HGH1: variants seen among roughly 807,000 people sequenced by gnomAD.
HGH1 encodes the protein HGH1 cochaperone, also known as co-chaperone protein HGH1 homolog.
HGH1 carries 31 observed loss-of-function variants against 31.7 expected under a neutral mutation model. That is an observed-to-expected ratio of 0.98 (90% CI 0.73 to 1.32). The LOEUF is 1.32. Among genes scored for constraint, HGH1 ranks in the 40% most tolerant of loss-of-function variants. The pLI, the probability that HGH1 is intolerant of heterozygous loss-of-function variation, is 0.00. For missense variants in HGH1, 618 were observed against 594.4 expected, an observed-to-expected ratio of 1.04 and a Z score of -0.41; for synonymous variants, 284 against 293.6, an observed-to-expected ratio of 0.97 and a Z score of 0.34.
chr8:144,139,341 G>GA, intron 5 of HGH1, 30 bp downstream of exon 5: 11 of 1,613,928 alleles, frequency 6.8e-6, no homozygotes, highest in Non-Finnish European at 9.3e-6. Flanking sequence ...GGCTGGGGAA[G>GA]GGGTGTCTGT....
chr8:144,139,071 C>T lies in HGH1; in HGVS notation c.856C>T (p.Arg286Cys), dbSNP rs994943225. 13 of 1,614,012 alleles carry T rather than the reference C, an allele frequency of 8.1e-6. No homozygotes were observed. Among genetic ancestry groups the T allele is most frequent in the African/African-American group, 1.3e-5 (1 of 75,058 alleles). Residue 286 changes from arginine (R) to cysteine (C), a missense_variant, in exon 4 of 6, where the codon CGC (arginine) becomes TGC (cysteine). Arg to Cys is a radical substitution (Grantham distance 180). Transcript: ENST00000347708. Reference sequence around the variant, plus strand: ...GCAGCGAGAACCTGATGCAGACATCCGCAAGATGCTTGTTGAAGCCATCAT... The same window carrying T: ...GCAGCGAGAACCTGATGCAGACATCTGCAAGATGCTTGTTGAAGCCATCAT... ...DKQREPDADIRKMLVEAIMLL... is the reference protein window; with the variant it reads ...DKQREPDADICKMLVEAIMLL...
Position 144,137,801 on chromosome 8 carries a change from G to T in HGH1, c.-35G>T, listed in dbSNP as rs1400285089. On this transcript the variant is annotated 5_prime_UTR_variant, in exon 1 of 6. Transcript: ENST00000347708. ...ACAGCGGACCCCTAAGCGGACCGCT[G>T]GCACCGGTCGGGTGGCAGCAGAGTG... 8.1e-7 allele frequency: 1 copy of T among 1,237,222 alleles called. No individual in the cohort carries two copies. Among genetic ancestry groups the T allele is most frequent in the Non-Finnish European group, 1.0e-6 (1 of 989,020 alleles). The allele number at this position is 1,237,222 out of a possible 1,614,324, so 76.6% of individuals were successfully genotyped here. A position where few individuals can be genotyped will look rare whatever the true frequency, so the allele number is the denominator to read the frequency against.
At position 144,140,090 on chromosome 8, in the gene HGH1, C is replaced by T. The variant is rs1443304255; in HGVS notation, c.*538C>T. ...TGGGGTCTTTCTAGGACTGTGCCTC[C>T]CTGCTTGACCTATGCTCCAGGACCC... On this transcript the variant is annotated 3_prime_UTR_variant, in exon 6 of 6. Coordinates refer to ENST00000347708, the MANE Select transcript of HGH1 (RefSeq NM_016458.4). The T allele has an allele frequency of 1.6e-5, 3 of 183,226 alleles. No homozygotes were observed. Among genetic ancestry groups the T allele is most frequent in the African/African-American group, 7.2e-5 (3 of 41,948 alleles). The allele number at this position is 183,226 out of a possible 1,614,324, so 11.4% of individuals were successfully genotyped here.
chr8:144,138,203 A>T lies in HGH1; in HGVS notation c.368A>T (p.Glu123Val). Residue 123 changes from glutamate (E) to valine (V), a missense_variant, in exon 1 of 6, where the codon GAG becomes GTG. Transcript: ENST00000347708. ...ALDPQWPWAEEAAAALANLSR... is the reference protein window; with the variant it reads ...ALDPQWPWAEVAAAALANLSR... ...GACCCGCAGTGGCCCTGGGCCGAGG[A>T]GGCGGCCGCCGCGCTAGCCAACCTC... 1 of 1,361,778 alleles carries T rather than the reference A, an allele frequency of 7.3e-7. No individual in the cohort carries two copies. Among genetic ancestry groups the T allele is most frequent in the Non-Finnish European group, 9.4e-7 (1 of 1,064,824 alleles). 84.4% of individuals were successfully genotyped at this position (1,361,778 alleles called of 1,614,324 possible).
In HGH1 at chr8:144,137,849, G is replaced by A. The variant is rs1815115019; in HGVS notation, c.14G>A (p.Gly5Glu). Reference protein sequence around the residue: MGEAGAGAGASGGPE... With the variant: MGEAEAGAGASGGPE... ...GTGTCGCTCGACATGGGGGAGGCCG[G>A]GGCTGGCGCTGGCGCCTCGGGAGGG... Residue 5 changes from glycine (G) to glutamate (E), a missense_variant, in exon 1 of 6, where the codon GGG becomes GAG. Gly to Glu is a moderately conservative substitution (Grantham distance 98). Coordinates refer to ENST00000347708, the MANE Select transcript of HGH1 (RefSeq NM_016458.4). The A allele has an allele frequency of 7.7e-7, 1 of 1,292,016 alleles. No individual in the cohort carries two copies. The highest frequency in any genetic ancestry group is 1.5e-5 in the African/African-American group (1 of 64,848). The allele number at this position is 1,292,016 out of a possible 1,614,324, so 80.0% of individuals were successfully genotyped here. A position where few individuals can be genotyped will look rare whatever the true frequency, so the allele number is the denominator to read the frequency against.
At position 144,138,968 on chromosome 8, in the gene HGH1, C is replaced by T; in HGVS notation, c.794-41C>T. ...CACAGGCAGAGCCTGGCTCAGCTGC[C>T]CAGCCCAGGGACACAGTGGCTCCCA... On this transcript the variant is annotated intron_variant, in intron 3 of 5. Coordinates refer to ENST00000347708, the MANE Select transcript of HGH1 (RefSeq NM_016458.4). The T allele has an allele frequency of 1.2e-6, 2 of 1,607,988 alleles. 1 individual carries two copies. The highest frequency in any genetic ancestry group is 2.2e-5 in the South Asian group (2 of 90,506).
chr8:144,138,084 C>G lies in HGH1; in HGVS notation c.249C>G (p.Arg83=). The G allele has an allele frequency of 2.3e-6, 3 of 1,323,504 alleles. No homozygotes were observed. Among genetic ancestry groups the G allele is most frequent in the Non-Finnish European group, 2.9e-6 (3 of 1,031,292 alleles). The allele number at this position is 1,323,504 out of a possible 1,614,324, so 82.0% of individuals were successfully genotyped here. A position where few individuals can be genotyped will look rare whatever the true frequency, so the allele number is the denominator to read the frequency against. ...CTGCCCCGGCCCGGGACGCCGCCCG[C>G]GCGCTCGTGAACTTGGCCGCCGACC... ...PASAPARDAA[R]ALVNLAADPG... Residue 83 remains arginine, a synonymous_variant, in exon 1 of 6, where the codon CGC becomes CGG. Transcript: ENST00000347708.
Position 144,138,390 on chromosome 8 carries a change from A to C in HGH1, c.555A>C (p.Gln185His), listed in dbSNP as rs894819339. The part of the protein sequence containing the change: ...YLAPLLSNLS[Q>H]RPAARAFLLD... ...CGCCGCTGCTCTCCAACCTCAGCCA[A>C]CGCCCTGCGGCGCGGGCCTTCCTAC... Residue 185 changes from glutamine (Q) to histidine (H), a missense_variant, in exon 1 of 6, where the codon CAA (glutamine) becomes CAC (histidine). Gln to His is a conservative substitution (Grantham distance 24). Transcript: ENST00000347708. 6 of 1,586,574 alleles carry C rather than the reference A, an allele frequency of 3.8e-6. No homozygotes were observed. The highest frequency in any genetic ancestry group is 4.3e-6 in the Non-Finnish European group (5 of 1,175,540).
Position 144,139,528 on chromosome 8 carries a change from G to A in HGH1, c.1149G>A (p.Trp383Ter). Residue 383 changes from tryptophan to a stop codon, truncating the protein, a stop_gained, in exon 6 of 6, where the codon TGG becomes TGA. Coordinates refer to ENST00000347708, the MANE Select transcript of HGH1 (RefSeq NM_016458.4). LOFTEE classifies it low-confidence loss of function (END_TRUNC). Reference protein sequence around the residue: ...QLERELAPEPWVERATPT With the variant: ...QLERELAPEP ...AGCGGGAGCTGGCCCCAGAGCCATGGGTGGAGAGGGCCACACCCACCTGAG... is the reference window on the plus strand; with the variant it reads ...AGCGGGAGCTGGCCCCAGAGCCATGAGTGGAGAGGGCCACACCCACCTGAG... 6.4e-7 allele frequency: 1 copy of A among 1,556,542 alleles called. No homozygotes were observed.
At position 144,137,877 on chromosome 8, in the gene HGH1, G is replaced by C. The variant is rs1815115592; in HGVS notation, c.42G>C (p.Pro14=). The C allele has an allele frequency of 1.5e-6, 2 of 1,301,648 alleles. No homozygotes were observed. The highest frequency in any genetic ancestry group is 1.5e-5 in the African/African-American group (1 of 64,764). 80.6% of individuals were successfully genotyped at this position (1,301,648 alleles called of 1,614,324 possible). A position where few individuals can be genotyped will look rare whatever the true frequency, so the allele number is the denominator to read the frequency against. ...CTGGCGCTGGCGCCTCGGGAGGGCC[G>C]GAGGCAAGCCCGGAGGCAGAGGTGG... is the stretch of plus-strand genomic sequence containing the variant. ...AGAGAGASGG[P]EASPEAEVVK... The change falls in exon 1 of 6, where the codon CCG becomes CCC. Residue 14 remains proline, a synonymous_variant. Coordinates refer to ENST00000347708, the MANE Select transcript of HGH1 (RefSeq NM_016458.4).
Position 144,139,850 on chromosome 8 carries a change from ACT to A in HGH1, c.*301_*302del, listed in dbSNP as rs1815163443. 19 of 544,994 alleles carry A rather than the reference ACT, an allele frequency of 3.5e-5. No homozygotes were observed. In the South Asian group the frequency reaches 3.8e-4, roughly 11 times the overall value. The allele number at this position is 544,994 out of a possible 1,614,324, so 33.8% of individuals were successfully genotyped here. A position where few individuals can be genotyped will look rare whatever the true frequency, so the allele number is the denominator to read the frequency against. ...CGGATGGCCAGGGAGCCATGAGAAG[ACT>A]CTTCCTGGGCACGGCGTGGGGACTG... On this transcript the variant is annotated 3_prime_UTR_variant, in exon 6 of 6. Coordinates refer to ENST00000347708, the MANE Select transcript of HGH1 (RefSeq NM_016458.4).
In HGH1 at chr8:144,139,232, G is replaced by A. The variant is rs1815149880; in HGVS notation, c.929G>A (p.Gly310Glu). Residue 310 changes from glycine (G) to glutamate (E), a missense_variant, in exon 5 of 6, where the codon GGA becomes GAA. Coordinates refer to ENST00000347708, the MANE Select transcript of HGH1 (RefSeq NM_016458.4). ...GGTCGGCAGCAGGTGCGGGACCAGG[G>A]AGCCTACCTGATCCTTCGAGAGCTG... ...APGRQQVRDQ[G>E]AYLILRELHS... 8 of 1,613,892 alleles carry A rather than the reference G, an allele frequency of 5.0e-6. No individual in the cohort carries two copies. Among genetic ancestry groups the A allele is most frequent in the Non-Finnish European group, 3.4e-6 (4 of 1,179,870 alleles).
At chr8:144,138,642 G>A in intron 2 of HGH1, 35 bp downstream of exon 2, 1 of 1,604,174 alleles carries the variant, frequency 6.2e-7, no homozygotes, top group Non-Finnish European at 8.5e-7. Flanking sequence ...GCGTTGCCAG[G>A]TGTGGGGACT....
rs1815115129 is a variant in HGH1, at chr8:144,137,852, C to T, written c.17C>T (p.Ala6Val). 2.3e-5 allele frequency: 30 copies of T among 1,291,826 alleles called. No homozygotes were observed. Among genetic ancestry groups the T allele is most frequent in the Non-Finnish European group, 2.9e-5 (30 of 1,022,060 alleles). The allele number at this position is 1,291,826 out of a possible 1,614,324, so 80.0% of individuals were successfully genotyped here. The change falls in exon 1 of 6, where the codon GCT (alanine) becomes GTT (valine). Residue 6 changes from alanine (A) to valine (V), a missense_variant. Ala to Val is a moderately conservative substitution (Grantham distance 64). Transcript: ENST00000347708. MGEAG[A>V]GAGASGGPEA... is the part of the protein sequence containing the mutation. ...TCGCTCGACATGGGGGAGGCCGGGG[C>T]TGGCGCTGGCGCCTCGGGAGGGCCG...
chr8:144,138,634 G>A, intron 2 of HGH1, 27 bp downstream of exon 2: 1 of 1,601,300 alleles, frequency 6.2e-7, no homozygotes. Flanking sequence ...GCGGGGGTGC[G>A]TTGCCAGGTG....
At chr8:144,138,482 G>A in intron 1 of HGH1, 25 bp from the exon 2 acceptor site, 1 of 1,601,046 alleles carries the variant, frequency 6.2e-7, no homozygotes, top group Non-Finnish European at 8.5e-7. Context: ...TAGGGGGGAC[G>A]GCCCTAAGTG....
chr8:144,138,641 G>T, intron 2 of HGH1, 34 bp downstream of exon 2: 9 of 1,603,678 alleles, frequency 5.6e-6, no homozygotes, highest in Non-Finnish European at 7.7e-6. Flanking sequence ...TGCGTTGCCA[G>T]GTGTGGGGAC....
intron 3 of HGH1, 88 bp downstream of exon 3, chr8:144,138,901 G>A: frequency 2.5e-6 from 4 of 1,600,816 alleles, no homozygotes; most frequent in Non-Finnish European, 3.4e-6. Flanking sequence ...ACAGGCTCCT[G>A]AAACTTTGCA....
chr8:144,137,875 C>T lies in HGH1; in HGVS notation c.40C>T (p.Pro14Ser). Reference protein sequence around the residue: ...AGAGAGASGGPEASPEAEVVK... With the variant: ...AGAGAGASGGSEASPEAEVVK... Reference sequence around the variant, plus strand: ...GGCTGGCGCTGGCGCCTCGGGAGGGCCGGAGGCAAGCCCGGAGGCAGAGGT... The same window carrying T: ...GGCTGGCGCTGGCGCCTCGGGAGGGTCGGAGGCAAGCCCGGAGGCAGAGGT... The change falls in exon 1 of 6, where the codon CCG becomes TCG. Residue 14 changes from proline (P) to serine (S), a missense_variant. By Grantham distance (74) the Pro-to-Ser change is moderately conservative. Coordinates refer to ENST00000347708, the MANE Select transcript of HGH1 (RefSeq NM_016458.4). The T allele has an allele frequency of 2.3e-6, 3 of 1,299,620 alleles. No individual in the cohort carries two copies. Among genetic ancestry groups the T allele is most frequent in the Non-Finnish European group, 2.9e-6 (3 of 1,027,030 alleles). 80.5% of individuals were successfully genotyped at this position (1,299,620 alleles called of 1,614,324 possible). A position where few individuals can be genotyped will look rare whatever the true frequency, so the allele number is the denominator to read the frequency against.
Sources: gnomAD v4.1 joint callset for allele counts on GRCh38, gnomAD v4.1.1 for gene constraint, MANE v1.5 for transcripts, NCBI Gene and HGNC (gene_info 2026-07-23, HGNC 2026-07-21) for gene names.